CYP3A4: variants seen among roughly 807,000 people sequenced by gnomAD.
CYP3A4 encodes the protein cytochrome P450 3A4.
A neutral mutation model predicts 54.9 loss-of-function variants in CYP3A4; 41 were observed. The observed-to-expected ratio is 0.75, with a 90% CI of 0.58 to 0.97. The LOEUF (loss-of-function observed/expected upper bound fraction) is 0.97. CYP3A4 is among the 50% of genes least tolerant of loss of function. The pLI is 0.00. For missense variants in CYP3A4, 510 were observed against 597.3 expected (o/e 0.85, Z 1.52); for synonymous variants, 179 against 205.2 (o/e 0.87, Z 1.09).
rs1037659608 is a variant in CYP3A4, at chr7:99,757,825, T to C, written c.*308A>G. On this transcript the variant is annotated 3_prime_UTR_variant, in exon 13 of 13. Transcript: ENST00000651514. ...GGAGGAAATTATTGAGAAATGTTGA[T>C]TCTCTTATCAGAGCTCAGGAGGAGT... The C allele has an allele frequency of 5.7e-5, 14 of 247,664 alleles. No individual in the cohort carries two copies. Among genetic ancestry groups the C allele is most frequent in the Admixed American group, 3.9e-4 (8 of 20,264 alleles). The allele number at this position is 247,664 out of a possible 1,614,324, so 15.3% of individuals were successfully genotyped here.
intron 9 of CYP3A4, among the ~76,000 whole-genome samples, chr7:99,765,567 T>G (rs1168972045): frequency 6.6e-6 from 1 of 152,170 alleles, no homozygotes; most frequent in Admixed American, 6.5e-5. Flanking sequence ...GATGTAGACA[T>G]GGATATATTT....
At chr7:99,758,708 T>A (rs545671939) in intron 12 of CYP3A4, among the ~76,000 whole-genome samples, 1 of 152,252 alleles carries the variant, frequency 6.6e-6, no homozygotes, top group African/African-American at 2.4e-5. Flanking sequence ...TAAACCTGGG[T>A]AGTTATTGTA....
At chr7:99,764,307 C>T (rs995388759) in intron 9 of CYP3A4, among the ~76,000 whole-genome samples, 21 of 152,266 alleles carry the variant, frequency 1.4e-4, no homozygotes, top group African/African-American at 4.6e-4. Flanking sequence ...AGAGCATTTC[C>T]GCATAACATA....
At chr7:99,777,307 G>A (rs1815795715) in intron 3 of CYP3A4, among the ~76,000 whole-genome samples, 1 of 152,148 alleles carries the variant, frequency 6.6e-6, no homozygotes. Flanking sequence ...ATGATGCTGT[G>A]AGTCCCTGGG....
chr7:99,765,941 T>C (rs1345457786), intron 9 of CYP3A4, among the ~76,000 whole-genome samples: 23 of 152,170 alleles, frequency 1.5e-4, no homozygotes, highest in Admixed American at 1.5e-3. Flanking sequence ...GGATGTTAGA[T>C]GTATTAGGTA....
chr7:99,777,510 G>GTGTGTGTGT (rs1312574401), intron 3 of CYP3A4, among the ~76,000 whole-genome samples: 9 of 87,522 alleles, frequency 1.0e-4, no homozygotes, highest in African/African-American at 2.6e-4. Flanking sequence ...GTGTGTGTGT[G>GTGTGTGTGT]TGTGTGTGTA....
chr7:99,774,474 A>G (rs948596045), intron 3 of CYP3A4, among the ~76,000 whole-genome samples: 3 of 152,210 alleles, frequency 2.0e-5, no homozygotes, highest in Non-Finnish European at 4.4e-5. Context: ...CCAGCAAAAC[A>G]TCAAAAAGCT....
At chr7:99,774,992 C>A (rs1186506539) in intron 3 of CYP3A4, among the ~76,000 whole-genome samples, 1 of 152,132 alleles carries the variant, frequency 6.6e-6, no homozygotes, top group Non-Finnish European at 1.5e-5. Context: ...TCAGGAAAGT[C>A]TCAGGATACA....
chr7:99,780,865 A>G (rs933651863), intron 1 of CYP3A4, among the ~76,000 whole-genome samples: 2 of 152,186 alleles, frequency 1.3e-5, no homozygotes, highest in African/African-American at 4.8e-5. Flanking sequence ...AAGAATCACA[A>G]CTAAAGAACC....
rs759136152 is a variant in CYP3A4 at position 99,760,845 on chromosome 7, A to T, written c.1390T>A (p.Ser464Thr). 6 of 1,613,958 alleles carry T rather than the reference A, an allele frequency of 3.7e-6. No homozygotes were observed. Among genetic ancestry groups the T allele is most frequent in the African/African-American group, 1.3e-5 (1 of 74,934 alleles). The change falls in exon 12 of 13, where the codon TCC becomes ACC. Residue 464 changes from serine (S) to threonine (T), a missense_variant. Transcript: ENST00000651514. ...TGTGTTTCTTTACAAGGTTTGAAGG[A>T]GAAGTTCTGAAGGACTCTGATTAGA... is the stretch of plus-strand genomic sequence containing the variant. ...LALIRVLQNF[S>T]FKPCKETQIP...
rs1199750666 is a variant in CYP3A4, at chr7:99,778,039, T to G, written c.207A>C (p.Gly69=). The change falls in exon 3 of 13, where the codon GGA becomes GGC. Residue 69 remains glycine, a synonymous_variant. Transcript: ENST00000651514. ...MFDMECHKKY[G]KVWGFYDGQQ... ...TCCAGAATACTCACCCCCACACTTT[T>G]CCATACTTTTTATGACATTCCATGT... The G allele has an allele frequency of 6.2e-7, 1 of 1,613,038 alleles. No homozygotes were observed. The highest frequency in any genetic ancestry group is 1.7e-5 in the Admixed American group (1 of 59,950).
At chr7:99,783,048 T>C (rs1238164329) in intron 1 of CYP3A4, among the ~76,000 whole-genome samples, 1 of 152,218 alleles carries the variant, frequency 6.6e-6, no homozygotes, top group Non-Finnish European at 1.5e-5. Flanking sequence ...TTAAGCCATA[T>C]CAATTAGTGT....
Position 99,768,430 on chromosome 7 carries a change from A to G in CYP3A4, c.594T>C (p.Asn198=), listed in dbSNP as rs1474207867. The G allele has an allele frequency of 1.2e-6, 2 of 1,614,104 alleles. No individual in the cohort carries two copies. The highest frequency in any genetic ancestry group is 8.5e-7 in the Non-Finnish European group (1 of 1,179,970). ...SFGVNIDSLN[N]PQDPFVENTK... Reference sequence around the variant, plus strand: ...TGTTTTCCACAAAGGGGTCTTGTGGATTGTTGAGAGAGTCGATGTTCACTC... The same window carrying G: ...TGTTTTCCACAAAGGGGTCTTGTGGGTTGTTGAGAGAGTCGATGTTCACTC... The change falls in exon 7 of 13, where the codon AAT becomes AAC. Residue 198 remains asparagine, a synonymous_variant. Coordinates refer to ENST00000651514, the MANE Select transcript of CYP3A4 (RefSeq NM_017460.6).
chr7:99,758,735 A>T (rs1815245618), intron 12 of CYP3A4, among the ~76,000 whole-genome samples: 1 of 152,220 alleles, frequency 6.6e-6, no homozygotes, highest in Admixed American at 6.5e-5. Context: ...AATTATATGG[A>T]CAGTCTTCAA....
intron 1 of CYP3A4, among the ~76,000 whole-genome samples, chr7:99,783,606 C>CA (rs767154928): frequency 9.6e-6 from 1 of 103,826 alleles, no homozygotes; most frequent in Non-Finnish European, 1.8e-5. Context: ...CCTTGAACAT[C>CA]TTTTTTTTTT....
At chr7:99,758,565 T>G (rs28988602) in intron 12 of CYP3A4, among the ~76,000 whole-genome samples, 2,533 of 152,308 alleles carry the variant, frequency 0.017, 34 homozygotes, top group Admixed American at 0.023. Flanking sequence ...TGGAAACCTG[T>G]GTTCTTTTTT....
intron 6 of CYP3A4, among the ~76,000 whole-genome samples, chr7:99,768,980 TATC>T (rs1815555818): frequency 6.6e-6 from 1 of 152,192 alleles, no homozygotes; most frequent in Non-Finnish European, 1.5e-5. Flanking sequence ...CTCCTAGAAA[TATC>T]ATCCTTATTC....
intron 12 of CYP3A4, among the ~76,000 whole-genome samples, chr7:99,760,126 T>G (rs1815281954): frequency 6.6e-6 from 1 of 152,122 alleles, no homozygotes; most frequent in South Asian, 2.1e-4. Context: ...TGAGCCACCA[T>G]GCCTGGCTGG....
At chr7:99,779,458 G>C (rs534563222) in intron 2 of CYP3A4, among the ~76,000 whole-genome samples, 27 of 152,302 alleles carry the variant, frequency 1.8e-4, no homozygotes, top group Admixed American at 3.3e-4. Context: ...AGGGAATTTA[G>C]CATTTTTCGG....
Sources: allele counts gnomAD v4.1 joint callset (sites outside exome capture counted in the v4.1 genomes callset), GRCh38; gene constraint gnomAD v4.1.1; transcripts MANE v1.5; gene names NCBI Gene and HGNC (gene_info 2026-07-23, HGNC 2026-07-21).